Variants in CENPE observed in about 807,000 individuals in gnomAD.
CENPE encodes the protein centromere-associated protein E.
CENPE carries 145 observed loss-of-function variants against 336.1 expected under a neutral mutation model. The ratio of observed to expected loss-of-function variants is 0.43; its 90% confidence interval spans 0.38 to 0.50. The LOEUF is 0.50. Among genes scored for constraint, CENPE ranks in the 20% least tolerant of loss-of-function variants. The pLI, the probability that CENPE is intolerant of heterozygous loss-of-function variation, is 0.00. For missense variants in CENPE, 2,719 were observed against 3,023.3 expected (o/e 0.90, Z 2.36); for synonymous variants, 1,013 against 984.8 (o/e 1.03, Z -0.54).
At chr4:103,127,684 G>C (rs138420898) in intron 42 of CENPE, among the ~76,000 whole-genome samples, 5 of 152,262 alleles carry the variant, frequency 3.3e-5, no homozygotes, top group African/African-American at 9.6e-5. Flanking sequence ...TATATTATCT[G>C]TGAAGTGGAA....
In CENPE at chr4:103,132,677, A is replaced by G. The variant is rs1751692268; in HGVS notation, c.6924+16T>C. The stretch of plus-strand genomic sequence containing the variant: ...AACAGCAACAAAAAAGTAGTACAGC[A>G]AAAAGTAATACTTACAATTATTCTG... On this transcript the variant is annotated intron_variant, in intron 42 of 48. Coordinates refer to ENST00000265148, the MANE Select transcript of CENPE (RefSeq NM_001813.3). The G allele has an allele frequency of 7.4e-7, 1 of 1,346,886 alleles. No homozygotes were observed. The highest frequency in any genetic ancestry group is 1.0e-6 in the Non-Finnish European group (1 of 977,748). The allele number at this position is 1,346,886 out of a possible 1,614,324, so 83.4% of individuals were successfully genotyped here.
intron 46 of CENPE, among the ~76,000 whole-genome samples, chr4:103,113,170 GTATATAAGTGTA>G (rs1470767032): frequency 1.6e-5 from 2 of 128,822 alleles, no homozygotes; most frequent in African/African-American, 5.7e-5. Flanking sequence ...ATACTTATAA[GTATATAAGTGTA>G]TATATACTTA....
Position 103,140,049 on chromosome 4 carries a change from G to A in CENPE, c.5944C>T (p.Leu1982=), listed in dbSNP as rs1450475628. ...TTGACATCTTCTTTCACTCTAAGCA[G>A]TTGAAGTTCTTTTTTCTGAAGTTCT... ...IQELQKKELQ[L]LRVKEDVNMS... The change falls in exon 38 of 49, where the codon CTG becomes TTG. Residue 1982 remains leucine (L), a synonymous_variant. Coordinates refer to ENST00000265148, the MANE Select transcript of CENPE (RefSeq NM_001813.3). 6.2e-7 allele frequency: 1 copy of A among 1,604,464 alleles called. No individual in the cohort carries two copies. Among genetic ancestry groups the A allele is most frequent in the South Asian group, 1.1e-5 (1 of 88,698 alleles).
intron 16 of CENPE, among the ~76,000 whole-genome samples, chr4:103,168,016 T>A (rs1196915648): frequency 6.6e-6 from 1 of 152,158 alleles, no homozygotes; most frequent in Non-Finnish European, 1.5e-5. Flanking sequence ...AACATGCCCA[T>A]CTGAGCCACC....
At chr4:103,121,824 G>A (rs1028337173) in intron 43 of CENPE, among the ~76,000 whole-genome samples, 1 of 151,886 alleles carries the variant, frequency 6.6e-6, no homozygotes, top group Admixed American at 6.6e-5. Context: ...GCCTCCCAAA[G>A]TACTGGGATT....
In CENPE at chr4:103,144,987, C is replaced by G. The variant is rs182340584; in HGVS notation, c.4857+63G>C. Reference sequence around the variant, plus strand: ...AATTAATAAAACTTAACATGAACACCGTCATTATCACCTTAACACTATTTC... The same window carrying G: ...AATTAATAAAACTTAACATGAACACGGTCATTATCACCTTAACACTATTTC... On this transcript the variant is annotated intron_variant, in intron 32 of 48. Coordinates refer to ENST00000265148, the MANE Select transcript of CENPE (RefSeq NM_001813.3). 3.0e-6 allele frequency: 4 copies of G among 1,349,800 alleles called. 1 individual carries two copies. The highest frequency in any genetic ancestry group is 5.1e-5 in the Admixed American group (2 of 39,402). 83.6% of individuals were successfully genotyped at this position (1,349,800 alleles called of 1,614,324 possible).
intron 46 of CENPE, among the ~76,000 whole-genome samples, chr4:103,114,035 C>T (rs922368331): frequency 6.6e-6 from 1 of 151,996 alleles, no homozygotes; most frequent in Non-Finnish European, 1.5e-5. Flanking sequence ...TTTTTAGTTT[C>T]AAGAACAAAC....
Position 103,132,772 on chromosome 4 carries a change from A to G in CENPE, c.6845T>C (p.Ile2282Thr), listed in dbSNP as rs746037179. The change falls in exon 42 of 49, where the codon ATA becomes ACA. Residue 2282 changes from isoleucine (I) to threonine (T), a missense_variant. Physicochemically the swap from Ile to Thr is moderately conservative, Grantham distance 89. This residue lies in a region of CENPE where 2,437 missense variants were observed against 2,513.3 expected (regional missense o/e 0.97). Transcript: ENST00000265148. ...LEEWLNTRFD[I>T]EKLKNGIQKE... is the part of the protein sequence containing the mutation. ...CTGGATGCCATTTTTAAGCTTTTCTATATCAAAACGAGTATTTAACCACTC... is the reference window on the plus strand; with the variant it reads ...CTGGATGCCATTTTTAAGCTTTTCTGTATCAAAACGAGTATTTAACCACTC... 1.9e-6 allele frequency: 3 copies of G among 1,582,678 alleles called. No homozygotes were observed. The highest frequency in any genetic ancestry group is 1.1e-5 in the South Asian group (1 of 88,816).
intron 38 of CENPE, among the ~76,000 whole-genome samples, chr4:103,138,842 A>AAAAT (rs538574498): frequency 7.2e-4 from 110 of 152,226 alleles, no homozygotes; most frequent in South Asian, 5.6e-3. Flanking sequence ...TGTCTCTATA[A>AAAAT]AAATAAATAA....
At chr4:103,131,837 T>C (rs572121371) in intron 42 of CENPE, among the ~76,000 whole-genome samples, 4 of 152,252 alleles carry the variant, frequency 2.6e-5, no homozygotes, top group African/African-American at 7.2e-5. Context: ...TAAGTGAAAG[T>C]TGTCAACCTG....
At chr4:103,139,662 A>C in intron 38 of CENPE, 127 bp downstream of exon 38, 3 of 777,754 alleles carry the variant, frequency 3.9e-6, no homozygotes, top group Non-Finnish European at 5.7e-6. Flanking sequence ...AATTAGAGTA[A>C]CCATTTCCCA....
chr4:103,139,771 G>A lies in CENPE; in HGVS notation c.6204+18C>T. On this transcript the variant is annotated intron_variant, in intron 38 of 48. Transcript: ENST00000265148. ...TTCTTATTAATAGTTACTACACAAA[G>A]GAAGACTCTGAACTCACTCTAGCTA... 8 of 1,567,822 alleles carry A rather than the reference G, an allele frequency of 5.1e-6. No homozygotes were observed. The highest frequency in any genetic ancestry group is 6.0e-6 in the Non-Finnish European group (7 of 1,162,314).
chr4:103,138,284 T>C lies in CENPE; in HGVS notation c.6303+67A>G, dbSNP rs146644116. ...ATTCCAGAGGTTCCTTCAATCCCACTTCAGGTTTCGGTAAGCCTTTGGAAG... is the reference window on the plus strand; with the variant it reads ...ATTCCAGAGGTTCCTTCAATCCCACCTCAGGTTTCGGTAAGCCTTTGGAAG... On this transcript the variant is annotated intron_variant, in intron 39 of 48. Transcript: ENST00000265148. The C allele has an allele frequency of 1.8e-3, 1,858 of 1,051,168 alleles. 25 individuals are homozygous for C. In the African/African-American group the frequency reaches 0.026, roughly 15 times the overall value. 65.1% of individuals were successfully genotyped at this position (1,051,168 alleles called of 1,614,324 possible). A position where few individuals can be genotyped will look rare whatever the true frequency, so the allele number is the denominator to read the frequency against.
chr4:103,180,360 G>C lies in CENPE; in HGVS notation c.1193C>G (p.Thr398Arg). 1 of 1,613,340 alleles carries C rather than the reference G, an allele frequency of 6.2e-7. No individual in the cohort carries two copies. The highest frequency in any genetic ancestry group is 1.7e-5 in the Admixed American group (1 of 59,978). The change falls in exon 13 of 49, where the codon ACA becomes AGA. Residue 398 changes from threonine to arginine, a missense_variant. By Grantham distance (71) the Thr-to-Arg change is moderately conservative. Around this residue, in one of 5 missense-constraint regions of CENPE, gnomAD observed 117 missense variants for 215.8 expected, o/e 0.54. Coordinates refer to ENST00000265148, the MANE Select transcript of CENPE (RefSeq NM_001813.3). ...KVQNEKIENL[T>R]RMLVTSSSLT... ...GGAAGAAGAGGTCACCAGCATCCGTGTTAAGTTTTCAATTTTCTCATTCTG... is the reference window on the plus strand; with the variant it reads ...GGAAGAAGAGGTCACCAGCATCCGTCTTAAGTTTTCAATTTTCTCATTCTG...
rs199530309 is a variant in CENPE at position 103,158,392 on chromosome 4, T to G, written c.2941A>C (p.Asn981His). ...ESLKQHQETI[N>H]TLKSKISEEV... The stretch of plus-strand genomic sequence containing the variant: ...TCAGAAATTTTCGATTTTAGTGTAT[T>G]AATTGTTTCTTGATGTTGTTTCAGA... Residue 981 changes from asparagine to histidine, a missense_variant, in exon 24 of 49, where the codon AAT becomes CAT. Around this residue, in one of 5 missense-constraint regions of CENPE, gnomAD observed 2,437 missense variants for 2,513.3 expected, o/e 0.97. Transcript: ENST00000265148. The G allele has an allele frequency of 4.6e-5, 74 of 1,608,608 alleles. 1 individual carries two copies. Among genetic ancestry groups the G allele is most frequent in the South Asian group, 3.9e-4 (35 of 90,546 alleles).
chr4:103,109,959 C>T (rs564991219), intron 47 of CENPE, among the ~76,000 whole-genome samples: 1 of 152,276 alleles, frequency 6.6e-6, no homozygotes, highest in South Asian at 2.1e-4. Flanking sequence ...ACATTCTGGC[C>T]ACACTGGATG....
Position 103,148,782 on chromosome 4 carries a change from C to A in CENPE, c.3843+62G>T, listed in dbSNP as rs879124582. On this transcript the variant is annotated intron_variant, in intron 28 of 48. Transcript: ENST00000265148. The stretch of plus-strand genomic sequence containing the variant: ...ATCCTAGCTACTTCTTACTGCTTAT[C>A]TTTCCTTCAAAGGAGAAAGGAAGGA... The A allele has an allele frequency of 3.4e-6, 5 of 1,474,464 alleles. No individual in the cohort carries two copies. The South Asian group carries it at 6.2e-5, about 18-fold the overall frequency. The allele number at this position is 1,474,464 out of a possible 1,614,324, so 91.3% of individuals were successfully genotyped here. A position where few individuals can be genotyped will look rare whatever the true frequency, so the allele number is the denominator to read the frequency against.
chr4:103,141,671 T>C lies in CENPE; in HGVS notation c.5463+79A>G, dbSNP rs143867914. On this transcript the variant is annotated intron_variant, in intron 35 of 48. Transcript: ENST00000265148. ...ACTGCCAAGGTGTTTTCCAGTGTGG[T>C]TGAACCATTTTATATCCCCAACAAT... 1.7e-5 allele frequency: 17 copies of C among 1,026,270 alleles called. No individual in the cohort carries two copies. In the East Asian group the frequency reaches 3.7e-4, roughly 23 times the overall value. 63.6% of individuals were successfully genotyped at this position (1,026,270 alleles called of 1,614,324 possible).
At chr4:103,192,731 T>G (rs532114823) in intron 8 of CENPE, among the ~76,000 whole-genome samples, 17 of 152,122 alleles carry the variant, frequency 1.1e-4, no homozygotes, top group Non-Finnish European at 2.2e-4. Flanking sequence ...AAGAAAATAG[T>G]TTCGTTTTAG....
Sources: allele counts gnomAD v4.1 joint callset (sites outside exome capture counted in the v4.1 genomes callset), GRCh38; gene constraint gnomAD v4.1.1; regional missense constraint gnomAD v4.1.1; transcripts MANE v1.5; gene names NCBI Gene and HGNC (gene_info 2026-07-23, HGNC 2026-07-21).